The following MAN1A1 variants were observed in gnomAD, a reference collection of about 807,000 sequenced individuals.
MAN1A1 encodes the protein mannosyl-oligosaccharide 1,2-alpha-mannosidase IA.
Under a neutral mutation model 70.8 loss-of-function variants are expected in MAN1A1, and 29 were observed. That is an observed-to-expected ratio of 0.41 (90% CI 0.31 to 0.56). The LOEUF (loss-of-function observed/expected upper bound fraction) is 0.56, where lower values mean the gene tolerates loss of function less well. Among genes scored for constraint, MAN1A1 ranks in the 20% least tolerant of loss-of-function variants. The pLI, the probability that MAN1A1 is intolerant of heterozygous loss-of-function variation, is 0.29. For synonymous variants in MAN1A1, 349 were observed against 330.1 expected, an observed-to-expected ratio of 1.06 and a Z score of -0.62; for missense variants, 747 against 841.3, an observed-to-expected ratio of 0.89 and a Z score of 1.39.
At chr6:119,260,907 A>G (rs539009285) in intron 5 of MAN1A1, among the ~76,000 whole-genome samples, 6 of 152,112 alleles carry the variant, frequency 3.9e-5, no homozygotes, top group Admixed American at 1.3e-4. Flanking sequence ...ACAAATAATA[A>G]CAAGAAACAT....
chr6:119,320,372 T>C (rs1772973767), intron 2 of MAN1A1, among the ~76,000 whole-genome samples: 2 of 152,230 alleles, frequency 1.3e-5, no homozygotes, highest in Non-Finnish European at 2.9e-5. Flanking sequence ...TAAGTAGTTA[T>C]ACTCTGGTTG....
chr6:119,251,658 C>T (rs1378758479), intron 5 of MAN1A1, among the ~76,000 whole-genome samples: 1 of 152,152 alleles, frequency 6.6e-6, no homozygotes, highest in Non-Finnish European at 1.5e-5. Flanking sequence ...ATTGTGTTTT[C>T]TCTCATATCC....
intron 5 of MAN1A1, among the ~76,000 whole-genome samples, chr6:119,267,376 A>C (rs1234967123): frequency 6.6e-6 from 1 of 152,192 alleles, no homozygotes; most frequent in East Asian, 1.9e-4. Flanking sequence ...ATAATCTGTA[A>C]TTTACATACA....
intron 2 of MAN1A1, chr6:119,327,199 A>G (rs1773169824): frequency 6.6e-6 from 1 of 152,156 alleles, no homozygotes; most frequent in African/African-American, 2.4e-5. Context: ...TGGGGGCAGA[A>G]GAGATGCAGC....
At chr6:119,311,024 G>A (rs1458861642) in intron 2 of MAN1A1, among the ~76,000 whole-genome samples, 1 of 152,162 alleles carries the variant, frequency 6.6e-6, no homozygotes, top group African/African-American at 2.4e-5. Context: ...CCATATCTGA[G>A]CTCTGCCATC....
chr6:119,211,053 T>A (rs1774037551), intron 6 of MAN1A1: 3 of 311,738 alleles, frequency 9.6e-6, no homozygotes, highest in South Asian at 8.2e-5. Flanking sequence ...GTATATTCCA[T>A]CTTCGGAAAT....
chr6:119,281,894 A>G (rs1776232988), intron 5 of MAN1A1, among the ~76,000 whole-genome samples: 1 of 127,088 alleles, frequency 7.9e-6, no homozygotes, highest in African/African-American at 2.9e-5. Context: ...CATCTCTACT[A>G]AAAATACAAA....
intron 2 of MAN1A1, among the ~76,000 whole-genome samples, chr6:119,329,826 C>T (rs1773259907): frequency 6.6e-6 from 1 of 152,200 alleles, no homozygotes; most frequent in African/African-American, 2.4e-5. Flanking sequence ...CACTGCAATA[C>T]AGCTGCTACC....
At position 119,342,356 on chromosome 6, in the gene MAN1A1, A is replaced by T. The variant is rs1419921319; in HGVS notation, c.603+6107T>A. Among the ~76,000 whole-genome samples the T allele has an allele frequency of 6.6e-5, 10 of 152,164 alleles. 1 individual carries two copies. The South Asian group carries it at 2.1e-3, about 32-fold the overall frequency. ...TATGGATCAATGCAATCTTGGCTTG[A>T]TGGCTTTAGGTGGTGACCAGTAACA... On this transcript the variant is annotated intron_variant, in intron 2 of 12. Transcript: ENST00000368468.
At chr6:119,223,824 A>G (rs1342749289) in intron 6 of MAN1A1, among the ~76,000 whole-genome samples, 1 of 152,130 alleles carries the variant, frequency 6.6e-6, no homozygotes, top group Admixed American at 6.6e-5. Flanking sequence ...ATACTCCAGT[A>G]ATAGCAATTA....
At chr6:119,219,627 CA>C (rs66760342) in intron 6 of MAN1A1, among the ~76,000 whole-genome samples, 143,688 of 145,540 alleles carry the variant, frequency 0.99, 70,935 homozygotes, top group Admixed American at 0.99. Flanking sequence ...GACATCTACT[CA>C]AAAAAAAAAA....
intron 5 of MAN1A1, among the ~76,000 whole-genome samples, chr6:119,275,773 T>G (rs1000617288): frequency 5.3e-5 from 8 of 152,166 alleles, no homozygotes; most frequent in Admixed American, 4.6e-4. Flanking sequence ...GATTTAGGTA[T>G]GTAACTGATA....
At chr6:119,287,003 A>G (rs368385257) in intron 5 of MAN1A1, among the ~76,000 whole-genome samples, 3 of 152,088 alleles carry the variant, frequency 2.0e-5, no homozygotes, top group East Asian at 3.9e-4. Flanking sequence ...ATACTTCCTT[A>G]TACTACTCAG....
At chr6:119,188,911 A>C (rs1485297228) in intron 10 of MAN1A1, among the ~76,000 whole-genome samples, 2 of 152,228 alleles carry the variant, frequency 1.3e-5, no homozygotes, top group Non-Finnish European at 2.9e-5. Flanking sequence ...TGTTCACTAC[A>C]GACAGAACCA....
chr6:119,342,003 C>A (rs1171154465), intron 2 of MAN1A1, among the ~76,000 whole-genome samples: 3 of 152,066 alleles, frequency 2.0e-5, no homozygotes, highest in African/African-American at 7.3e-5. Flanking sequence ...TAAGATAACT[C>A]GACTGTGACT....
At chr6:119,317,839 A>G (rs1772896474) in intron 2 of MAN1A1, among the ~76,000 whole-genome samples, 1 of 152,058 alleles carries the variant, frequency 6.6e-6, no homozygotes, top group Admixed American at 6.5e-5. Flanking sequence ...ATAAAAATAG[A>G]TTGGCCATAA....
intron 12 of MAN1A1, 125 bp downstream of exon 12, chr6:119,180,187 A>G (rs1773112963): frequency 1.3e-6 from 1 of 753,958 alleles, no homozygotes; most frequent in East Asian, 2.6e-5. Flanking sequence ...ACCTGCAATT[A>G]TAGCCATGCC....
intron 2 of MAN1A1, among the ~76,000 whole-genome samples, chr6:119,308,097 A>T (rs543314295): frequency 6.6e-6 from 1 of 152,294 alleles, no homozygotes; most frequent in South Asian, 2.1e-4. Context: ...ATTGTAACCA[A>T]TTCTTGCTAC....
chr6:119,184,946 C>T (rs141115212), intron 11 of MAN1A1, among the ~76,000 whole-genome samples: 42 of 152,020 alleles, frequency 2.8e-4, no homozygotes, highest in African/African-American at 9.4e-4. Flanking sequence ...TGGCGTGCAG[C>T]GGTGTGATCT....
Sources: gnomAD v4.1 joint callset for allele counts (sites outside exome capture counted in the v4.1 genomes callset) on GRCh38, gnomAD v4.1.1 for gene constraint, MANE v1.5 for transcripts, NCBI Gene and HGNC (gene_info 2026-07-23, HGNC 2026-07-21) for gene names.